The following TRPV1 variants were observed in gnomAD, a reference collection of about 807,000 sequenced individuals.
TRPV1 encodes the protein OTRPC1.
Under a neutral mutation model 82.3 loss-of-function variants are expected in TRPV1, and 82 were observed. The observed-to-expected ratio is 1.00, with a 90% CI of 0.83 to 1.20. The LOEUF (loss-of-function observed/expected upper bound fraction) is 1.20, where lower values mean the gene tolerates loss of function less well. Among genes scored for constraint, TRPV1 ranks in the 50% most tolerant of loss-of-function variants. The pLI is 0.00. For synonymous variants in TRPV1, 515 were observed against 467.7 expected, an observed-to-expected ratio of 1.10 and a Z score of -1.30; for missense variants, 1,067 against 1,096.8, an observed-to-expected ratio of 0.97 and a Z score of 0.38.
Position 3,590,444 on chromosome 17 carries a change from C to G in TRPV1, c.605-52G>C. The stretch of plus-strand genomic sequence containing the variant: ...CGTGGTCACGGTCCTGTGGGGCTGC[C>G]GGGACAGGTGCTGGGGAAGGGCTCT... On this transcript the variant is annotated intron_variant, in intron 5 of 16. Coordinates refer to ENST00000572705, the MANE Select transcript of TRPV1 (RefSeq NM_080704.4). The G allele has an allele frequency of 2.5e-6, 4 of 1,595,132 alleles. No individual in the cohort carries two copies. The Admixed American group carries it at 5.2e-5, about 21-fold the overall frequency.
intron 8 of TRPV1, among the ~76,000 whole-genome samples, chr17:3,586,206 C>A (rs1050715071): frequency 6.6e-6 from 1 of 152,206 alleles, no homozygotes; most frequent in South Asian, 2.1e-4. Flanking sequence ...CTTAATGGCC[C>A]ACCGCACTGC....
At chr17:3,607,108 G>T (rs1475334391) in intron 2 of TRPV1, among the ~76,000 whole-genome samples, 1 of 152,198 alleles carries the variant, frequency 6.6e-6, no homozygotes, top group African/African-American at 2.4e-5. Context: ...AGCACTTTGG[G>T]AGGCTGAGGC....
In TRPV1 at chr17:3,590,944, G is replaced by C. The variant is rs181909705; in HGVS notation, c.604+20C>G. 6.4e-7 allele frequency: 1 copy of C among 1,573,944 alleles called. No individual in the cohort carries two copies. The highest frequency in any genetic ancestry group is 8.6e-7 in the Non-Finnish European group (1 of 1,161,614). On this transcript the variant is annotated intron_variant, in intron 5 of 16. Transcript: ENST00000572705. Reference sequence around the variant, plus strand: ...CGGTGCTGCGGGCTGAGCCATGCCCGGCCCCGCCGCCCTCCTCACCCTTGT... The same window carrying C: ...CGGTGCTGCGGGCTGAGCCATGCCCCGCCCCGCCGCCCTCCTCACCCTTGT...
At position 3,572,218 on chromosome 17, in the gene TRPV1, C is replaced by G; in HGVS notation, c.2135G>C (p.Ser712Thr). 2 of 1,611,072 alleles carry G rather than the reference C, an allele frequency of 1.2e-6. No homozygotes were observed. Among genetic ancestry groups the G allele is most frequent in the Non-Finnish European group, 8.5e-7 (1 of 1,178,670 alleles). The change falls in exon 15 of 17, where the codon AGC becomes ACC. Residue 712 changes from serine to threonine, a missense_variant. Transcript: ENST00000572705. ...RAITILDTEK[S>T]FLKCMRKAFR... is the part of the protein sequence containing the mutation. ...GGCCTTCCTCATGCACTTAAGGAAG[C>G]TCTTCTCCGTGTCCAGGATGGTGAT...
chr17:3,606,564 ACTT>A (rs1452747355), intron 2 of TRPV1, among the ~76,000 whole-genome samples: 3 of 152,198 alleles, frequency 2.0e-5, no homozygotes, highest in East Asian at 3.9e-4. Context: ...CCCGCTCACC[ACTT>A]CTTCAGAAGC....
chr17:3,608,105 G>T lies in TRPV1; in HGVS notation c.-34+322C>A, dbSNP rs146717088. Among the ~76,000 whole-genome samples the T allele has an allele frequency of 3.3e-3, 499 of 150,636 alleles. 2 individuals are homozygous for T. Among genetic ancestry groups the T allele is most frequent in the African/African-American group, 0.011 (467 of 41,180 alleles). On this transcript the variant is annotated intron_variant, in intron 2 of 16. Coordinates refer to ENST00000572705, the MANE Select transcript of TRPV1 (RefSeq NM_080704.4). The stretch of plus-strand genomic sequence containing the variant: ...AGGAGCCTGTAATCTCAGCTACTCA[G>T]AAGGGTGAGGCAAGAGAATCGCTTG...
At chr17:3,608,830 T>C (rs550706216) in intron 1 of TRPV1, 1 of 152,292 alleles carries the variant, frequency 6.6e-6, no homozygotes, top group African/African-American at 2.4e-5. Flanking sequence ...GCTGTGCCAT[T>C]GCACAGTCTT....
intron 9 of TRPV1, among the ~76,000 whole-genome samples, chr17:3,584,613 C>T (rs534332288): frequency 1.1e-3 from 166 of 151,780 alleles, no homozygotes; most frequent in Admixed American, 2.6e-3. Flanking sequence ...CTGGCCAATA[C>T]GGTGAAATCC....
At position 3,585,154 on chromosome 17, in the gene TRPV1, C is replaced by CTT. The variant is rs11390232; in HGVS notation, c.1383+612_1383+613dup. On this transcript the variant is annotated intron_variant, in intron 9 of 16. Coordinates refer to ENST00000572705, the MANE Select transcript of TRPV1 (RefSeq NM_080704.4). ...GAGCCCAAATTCCTGCGTGATTTTT[C>CTT]TTTTTTTTTTTTTGAGACAGAGTTT... 6.4e-3 allele frequency: 947 copies of CTT among 147,404 alleles called. 6 individuals are homozygous for CTT. Among genetic ancestry groups the CTT allele is most frequent in the Middle Eastern group, 0.028 (8 of 282 alleles). The allele number at this position is 147,404 out of a possible 1,614,324, so 9.1% of individuals were successfully genotyped here. A position where few individuals can be genotyped will look rare whatever the true frequency, so the allele number is the denominator to read the frequency against.
At chr17:3,595,334 C>A (rs2075209546) in intron 2 of TRPV1, among the ~76,000 whole-genome samples, 1 of 152,132 alleles carries the variant, frequency 6.6e-6, no homozygotes, top group Non-Finnish European at 1.5e-5. Context: ...CCGGACTTGA[C>A]CCCAGGCAGG....
At chr17:3,600,110 T>C (rs2075250239) in intron 2 of TRPV1, among the ~76,000 whole-genome samples, 1 of 152,316 alleles carries the variant, frequency 6.6e-6, no homozygotes, top group Non-Finnish European at 1.5e-5. Flanking sequence ...TGGGCACATA[T>C]AGACCCAGAA....
intron 1 of TRPV1, 119 bp downstream of exon 1, chr17:3,609,190 A>G (rs928097256): frequency 4.6e-5 from 7 of 152,170 alleles, no homozygotes; most frequent in African/African-American, 1.7e-4. Flanking sequence ...CCGGCCAAGA[A>G]TGGGCTTTAG....
At chr17:3,593,962 T>TA (rs924308272) in intron 2 of TRPV1, among the ~76,000 whole-genome samples, 4 of 150,618 alleles carry the variant, frequency 2.7e-5, no homozygotes, top group Admixed American at 6.6e-5. Context: ...CCATCTCTAC[T>TA]AAAAAAAATA....
At chr17:3,568,419 T>C (rs994866140) in intron 16 of TRPV1, among the ~76,000 whole-genome samples, 2 of 151,974 alleles carry the variant, frequency 1.3e-5, no homozygotes, top group African/African-American at 4.8e-5. Context: ...AGTTAACAAC[T>C]GACAAAGAGA....
At chr17:3,591,426 G>A in intron 3 of TRPV1, 73 bp from the exon 4 acceptor site, 1 of 1,497,098 alleles carries the variant, frequency 6.7e-7, no homozygotes, top group Non-Finnish European at 8.9e-7. Flanking sequence ...AGCTTGTCAA[G>A]GGAACACGAC....
At chr17:3,575,570 G>A (rs541076441) in intron 13 of TRPV1, among the ~76,000 whole-genome samples, 1 of 152,122 alleles carries the variant, frequency 6.6e-6, no homozygotes, top group Non-Finnish European at 1.5e-5. Flanking sequence ...AGAACTCCTG[G>A]TGAAAGTCTG....
Position 3,577,108 on chromosome 17 carries a change from G to A in TRPV1, c.1780+18C>T, listed in dbSNP as rs201320275. ...AGCAGGACCCCTGCCCTCCCCCAGC[G>A]CTGACCAAGCTCATTACCTGTGGAA... is the stretch of plus-strand genomic sequence containing the variant. On this transcript the variant is annotated intron_variant, in intron 13 of 16. Transcript: ENST00000572705. The A allele has an allele frequency of 2.4e-5, 37 of 1,573,564 alleles. No homozygotes were observed. The highest frequency in any genetic ancestry group is 4.1e-5 in the African/African-American group (3 of 73,860).
At chr17:3,567,733 C>T (rs1165156626) in intron 16 of TRPV1, among the ~76,000 whole-genome samples, 1 of 151,420 alleles carries the variant, frequency 6.6e-6, no homozygotes, top group East Asian at 1.9e-4. Flanking sequence ...GGGGTCCAGG[C>T]CCACTGGGTG....
At chr17:3,573,532 G>GCACC in intron 14 of TRPV1, 101 bp downstream of exon 14, 1 of 257,076 alleles carries the variant, frequency 3.9e-6, no homozygotes, top group Non-Finnish European at 7.7e-6. Flanking sequence ...GCCACACACC[G>GCACC]CCCCCACCAC....
Sources: gnomAD v4.1 joint callset for allele counts (sites outside exome capture counted in the v4.1 genomes callset) on GRCh38, gnomAD v4.1.1 for gene constraint, MANE v1.5 for transcripts, NCBI Gene and HGNC (gene_info 2026-07-23, HGNC 2026-07-21) for gene names.